Variants in ATP2C2 observed in about 807,000 individuals in gnomAD.
ATP2C2 encodes ATPase secretory pathway Ca2+ transporting 2, also known as calcium-transporting ATPase type 2C member 2.
ATP2C2 carries 171 observed loss-of-function variants against 110.8 expected under a neutral mutation model. The ratio of observed to expected loss-of-function variants is 1.54; its 90% CI spans 1.36 to 1.75. The LOEUF (loss-of-function observed/expected upper bound fraction) is 1.75, where lower values mean the gene tolerates loss of function less well. ATP2C2 is among the 40% of genes most tolerant of loss of function. The probability of loss-of-function intolerance (pLI) is 0.00; values close to 1 mark genes in which losing one functional copy is unlikely to be tolerated. For missense variants in ATP2C2, 1,963 were observed against 1,235.0 expected, an observed-to-expected ratio of 1.59 and a Z score of -8.84; for synonymous variants, 804 against 508.4, an observed-to-expected ratio of 1.58 and a Z score of -7.82.
chr16:84,423,342 C>G, intron 10 of ATP2C2, 79 bp downstream of exon 10: 4 of 1,337,340 alleles, frequency 3.0e-6, no homozygotes, highest in Admixed American at 3.5e-5. Flanking sequence ...ATGGCCGTTT[C>G]TCAAATATCT....
chr16:84,460,181 G>A (rs148994159), intron 23 of ATP2C2: 25 of 211,964 alleles, frequency 1.2e-4, no homozygotes, highest in African/African-American at 5.5e-4. Context: ...GCTGGCCTCA[G>A]CTGTGTCTGA....
At chr16:84,463,496 A>G in intron 26 of ATP2C2, 118 bp from the exon 27 acceptor site, 4 of 830,870 alleles carry the variant, frequency 4.8e-6, no homozygotes, top group Non-Finnish European at 8.0e-6. Context: ...AGGGGAATGA[A>G]AAGGGCTGGT....
intron 1 of ATP2C2, among the ~76,000 whole-genome samples, chr16:84,396,962 G>C (rs958877541): frequency 6.6e-6 from 1 of 151,856 alleles, no homozygotes; most frequent in Non-Finnish European, 1.5e-5. Flanking sequence ...TGGGGTTGGG[G>C]AGGGCGGCTG....
rs749731042 is a variant in ATP2C2, at chr16:84,446,425, A to G, written c.1498A>G (p.Thr500Ala). The G allele has an allele frequency of 3.8e-6, 6 of 1,597,602 alleles. No individual in the cohort carries two copies. In the East Asian group the frequency reaches 1.4e-4, roughly 36 times the overall value. ...KWMAVKCSLK[T>A]EDQEDIYFMK... ...GATGGCGGTGAAATGCAGTCTGAAG[A>G]CTGAGGTGAGACCTTTCAATCTTCA... The change falls in exon 16 of 27, where the codon ACT becomes GCT. Residue 500 changes from threonine (T) to alanine (A), a missense_variant. Coordinates refer to ENST00000262429, the MANE Select transcript of ATP2C2 (RefSeq NM_014861.4).
intron 1 of ATP2C2, among the ~76,000 whole-genome samples, chr16:84,381,537 A>C (rs1910578642): frequency 6.6e-6 from 1 of 152,128 alleles, no homozygotes; most frequent in African/African-American, 2.4e-5. Context: ...AGATCATGCC[A>C]CTGCACTCCA....
At chr16:84,431,740 C>G (rs1014123475) in intron 11 of ATP2C2, among the ~76,000 whole-genome samples, 28 of 152,104 alleles carry the variant, frequency 1.8e-4, no homozygotes, top group African/African-American at 5.8e-4. Context: ...GGCCCCTTCT[C>G]CTATTCCTAA....
chr16:84,452,112 G>A (rs757306148), intron 18 of ATP2C2, 21 bp downstream of exon 18: 7 of 1,613,484 alleles, frequency 4.3e-6, no homozygotes, highest in East Asian at 2.2e-5. Context: ...CAGGGTCGGG[G>A]GTGAGGACGA....
At position 84,461,677 on chromosome 16, in the gene ATP2C2, T is replaced by TCC; in HGVS notation, c.2482-35_2482-34dup. ...TTGGTTCAGGATGGAGGTTGTCTCT[T>TCC]CCCGCCTAACCTCTCACCTTTGTGC... is the stretch of plus-strand genomic sequence containing the variant. On this transcript the variant is annotated intron_variant, in intron 24 of 26. Coordinates refer to ENST00000262429, the MANE Select transcript of ATP2C2 (RefSeq NM_014861.4). 1.9e-6 allele frequency: 3 copies of TCC among 1,582,318 alleles called. No individual in the cohort carries two copies. The South Asian group carries it at 3.3e-5, about 17-fold the overall frequency.
chr16:84,456,455 C>T (rs12920095), intron 21 of ATP2C2, among the ~76,000 whole-genome samples: 63,689 of 142,968 alleles, frequency 0.45, 14,845 homozygotes, highest in Non-Finnish European at 0.54. Flanking sequence ...CCTCTCTCAC[C>T]GCTCCTATTC....
At chr16:84,399,000 T>G (rs1208484741) in intron 2 of ATP2C2, among the ~76,000 whole-genome samples, 1 of 152,238 alleles carries the variant, frequency 6.6e-6, no homozygotes, top group African/African-American at 2.4e-5. Flanking sequence ...CCCAAACTCT[T>G]GGTCATCCGG....
At chr16:84,461,540 C>T (rs1911337394) in intron 24 of ATP2C2, 174 bp from the exon 25 acceptor site, 2 of 684,630 alleles carry the variant, frequency 2.9e-6, no homozygotes, top group Non-Finnish European at 5.3e-6. Flanking sequence ...CTGGGGAGAC[C>T]CTGGGGTAGC....
chr16:84,397,374 C>A (rs1169666076), intron 1 of ATP2C2, among the ~76,000 whole-genome samples: 1 of 151,770 alleles, frequency 6.6e-6, no homozygotes, highest in Middle Eastern at 3.4e-3. Flanking sequence ...ATGGTGCATA[C>A]TTGATGGAGA....
At position 84,415,949 on chromosome 16, in the gene ATP2C2, G is replaced by A. The variant is rs534072551; in HGVS notation, c.624+358G>A. ...GTTAGAAAGAAGTGATATTAGAGGC[G>A]GGTGGATCACTTAAGGTCAGGAGTT... On this transcript the variant is annotated intron_variant, in intron 7 of 26. Transcript: ENST00000262429. 2.7e-3 allele frequency among the ~76,000 whole-genome samples: 409 copies of A among 152,236 alleles called. 4 individuals carry two copies. Among genetic ancestry groups the A allele is most frequent in the African/African-American group, 9.4e-3 (392 of 41,526 alleles).
chr16:84,378,073 C>T (rs543456268), intron 1 of ATP2C2, among the ~76,000 whole-genome samples: 9 of 152,162 alleles, frequency 5.9e-5, no homozygotes, highest in South Asian at 2.1e-4. Flanking sequence ...CCAAGATCTG[C>T]GATTCCAGAG....
chr16:84,415,426 G>T (rs3743650), intron 6 of ATP2C2, 57 bp from the exon 7 acceptor site: 212,483 of 1,373,766 alleles, frequency 0.15, 17,412 homozygotes, highest in South Asian at 0.21. Context: ...ATGTATCAAG[G>T]TGCATAAAAA....
chr16:84,461,510 T>A, intron 24 of ATP2C2: 1 of 623,778 alleles, frequency 1.6e-6, no homozygotes, highest in South Asian at 1.9e-5. Context: ...ATCCTCATGG[T>A]GGCAGCAAAT....
chr16:84,381,685 C>A (rs542523602), intron 1 of ATP2C2, among the ~76,000 whole-genome samples: 1 of 152,356 alleles, frequency 6.6e-6, no homozygotes, highest in South Asian at 2.1e-4. Flanking sequence ...CTTCCATATT[C>A]CTGCAGTGTA....
At chr16:84,445,231 C>G (rs1466675556) in intron 15 of ATP2C2, among the ~76,000 whole-genome samples, 2 of 146,118 alleles carry the variant, frequency 1.4e-5, no homozygotes, top group Non-Finnish European at 3.0e-5. Context: ...TTTTTTGAGA[C>G]GGAGTCTCGC....
chr16:84,397,978 G>T (rs1182947086), intron 1 of ATP2C2, among the ~76,000 whole-genome samples: 2 of 151,828 alleles, frequency 1.3e-5, no homozygotes, highest in African/African-American at 4.9e-5. Flanking sequence ...TTACCCCTCA[G>T]GTAGGTAGGT....
Sources: allele counts gnomAD v4.1 joint callset (sites outside exome capture counted in the v4.1 genomes callset), GRCh38; gene constraint gnomAD v4.1.1; transcripts MANE v1.5; gene names NCBI Gene and HGNC (gene_info 2026-07-23, HGNC 2026-07-21).